SLC17A9: variants seen among roughly 807,000 people sequenced by gnomAD.
The protein encoded by SLC17A9 is solute carrier family 17 member 9.
In SLC17A9, 49 loss-of-function variants were observed where a neutral mutation model predicts 55.0. The observed-to-expected ratio is 0.89, with a 90% CI of 0.71 to 1.13. The LOEUF (loss-of-function observed/expected upper bound fraction) is 1.13, where lower values mean the gene tolerates loss of function less well. SLC17A9 is among the 50% of genes most tolerant of loss of function. SLC17A9 has a pLI of 0.00. For synonymous variants in SLC17A9, 256 were observed against 247.4 expected, an observed-to-expected ratio of 1.03 and a Z score of -0.32; for missense variants, 526 against 569.3, an observed-to-expected ratio of 0.92 and a Z score of 0.77.
intron 9 of SLC17A9, 95 bp downstream of exon 9, chr20:62,965,261 C>A: frequency 1.3e-6 from 2 of 1,532,338 alleles, no homozygotes; most frequent in Non-Finnish European, 1.8e-6. Flanking sequence ...CACCTGATAT[C>A]TGGGACCAGG....
chr20:62,964,907 C>T (rs1412436908), intron 8 of SLC17A9: 3 of 564,170 alleles, frequency 5.3e-6, no homozygotes, highest in Non-Finnish European at 9.5e-6. Flanking sequence ...GTGTTTCTGC[C>T]CAAACCCACG....
rs1295623503 is a variant in SLC17A9, at chr20:62,965,799, A to G, written c.1061+74A>G. 1.3e-5 allele frequency: 18 copies of G among 1,381,208 alleles called. No individual in the cohort carries two copies. In the Admixed American group the frequency reaches 3.0e-4, roughly 23 times the overall value. The allele number at this position is 1,381,208 out of a possible 1,614,324, so 85.6% of individuals were successfully genotyped here. On this transcript the variant is annotated intron_variant, in intron 10 of 12. Transcript: ENST00000370351. ...CCGAGGCCCGCACATGTGAAGAGGGAGCTCTGTCCGCCTCTCTCAGTCTCT... is the reference window on the plus strand; with the variant it reads ...CCGAGGCCCGCACATGTGAAGAGGGGGCTCTGTCCGCCTCTCTCAGTCTCT...
chr20:62,966,339 G>T (rs1462069730), intron 10 of SLC17A9, among the ~76,000 whole-genome samples, 186 bp from the exon 11 acceptor site: 1 of 151,104 alleles, frequency 6.6e-6, no homozygotes, highest in East Asian at 2.0e-4. Context: ...TGGCCAGTGG[G>T]TGGTTGGGGC....
At position 62,952,802 on chromosome 20, in the gene SLC17A9, GC is replaced by G; in HGVS notation, c.-26del. The G allele has an allele frequency of 6.6e-7, 1 of 1,517,968 alleles. No individual in the cohort carries two copies. 94.0% of individuals were successfully genotyped at this position (1,517,968 alleles called of 1,614,324 possible). On this transcript the variant is annotated 5_prime_UTR_variant, in exon 1 of 13. Transcript: ENST00000370351. Reference sequence around the variant, plus strand: ...GGAGGCAGCCCCGGGACACAGCTGTGCCCACGCCGTCTGAGCACCCCAAGCC... The same window carrying G: ...GGAGGCAGCCCCGGGACACAGCTGTGCCACGCCGTCTGAGCACCCCAAGCC...
At chr20:62,953,013 G>T in intron 1 of SLC17A9, 124 bp downstream of exon 1, 1 of 1,270,052 alleles carries the variant, frequency 7.9e-7, no homozygotes, top group South Asian at 1.4e-5. Context: ...GGCTCCTCTG[G>T]CTGTGGGGCC....
rs112598584 is a variant in SLC17A9, at chr20:62,967,462, C to T, written c.1273C>T (p.Gln425Ter). 5.0e-6 allele frequency: 8 copies of T among 1,614,152 alleles called. No individual in the cohort carries two copies. The highest frequency in any genetic ancestry group is 1.3e-5 in the African/African-American group (1 of 75,038). ...LCTFLVFGQA[Q>*]RVDLSSTHED... ...CACCTTCCTGGTGTTTGGACAGGCT[C>T]AGAGGGTGGACCTGAGCTCTACCCA... is the stretch of plus-strand genomic sequence containing the variant. Residue 425 changes from glutamine to a stop codon, truncating the protein, a stop_gained, in exon 13 of 13, where the codon CAG becomes TAG. Coordinates refer to ENST00000370351, the MANE Select transcript of SLC17A9 (RefSeq NM_022082.4). LOFTEE classifies it high-confidence loss of function.
rs1436792903 is a variant in SLC17A9 at position 62,967,535 on chromosome 20, G to A, written c.*35G>A. 18 of 1,602,142 alleles carry A rather than the reference G, an allele frequency of 1.1e-5. 1 individual carries two copies. In the Admixed American group the frequency reaches 1.9e-4, roughly 17 times the overall value. The stretch of plus-strand genomic sequence containing the variant: ...CCACAGCCTCTCCAAGGACCCAGGC[G>A]CCAGCAGCCCCAGGACACAGGGGAC... On this transcript the variant is annotated 3_prime_UTR_variant, in exon 13 of 13. Transcript: ENST00000370351.
Position 62,962,803 on chromosome 20 carries a change from G to T in SLC17A9, c.628+49G>T, listed in dbSNP as rs766199930. On this transcript the variant is annotated intron_variant, in intron 5 of 12. Transcript: ENST00000370351. This position sits in a 1 kb window ranked among gnomAD's most constrained non-coding sequence, Gnocchi z 5.5. Reference sequence around the variant, plus strand: ...TCCCGGGCGCCCACAGCTGCCCAGTGCCTCCTCCCCTGGTGGCAGCCGCTG... The same window carrying T: ...TCCCGGGCGCCCACAGCTGCCCAGTTCCTCCTCCCCTGGTGGCAGCCGCTG... 1 of 1,604,824 alleles carries T rather than the reference G, an allele frequency of 6.2e-7. No individual in the cohort carries two copies. The highest frequency in any genetic ancestry group is 8.5e-7 in the Non-Finnish European group (1 of 1,174,750).
Position 62,958,049 on chromosome 20 carries a change from A to C in SLC17A9, c.397+469A>C, listed in dbSNP as rs2065557289. On this transcript the variant is annotated intron_variant, in intron 3 of 12. Coordinates refer to ENST00000370351, the MANE Select transcript of SLC17A9 (RefSeq NM_022082.4). This position sits in a 1 kb window ranked among gnomAD's most constrained non-coding sequence, Gnocchi z 4.1. Reference sequence around the variant, plus strand: ...GCACTTGTGCGTGCAGGTGGTATGCATGCGTGTGCATGCCTGTATGCATGT... The same window carrying C: ...GCACTTGTGCGTGCAGGTGGTATGCCTGCGTGTGCATGCCTGTATGCATGT... Among the ~76,000 whole-genome samples, 1 of 151,902 alleles carries C rather than the reference A, an allele frequency of 6.6e-6. No individual in the cohort carries two copies. Among genetic ancestry groups the C allele is most frequent in the Non-Finnish European group, 1.5e-5 (1 of 67,936 alleles).
Position 62,963,961 on chromosome 20 carries a change from C to T in SLC17A9, c.823-267C>T, listed in dbSNP as rs567779244. 86 of 596,458 alleles carry T rather than the reference C, an allele frequency of 1.4e-4. No individual in the cohort carries two copies. In the Admixed American group the frequency reaches 2.2e-3, roughly 15 times the overall value. 36.9% of individuals were successfully genotyped at this position (596,458 alleles called of 1,614,324 possible). ...TCGTGACCTGCTGGCCCACAGAACC[C>T]GACTTCAGAGCCTGAGGAGGCCGGT... On this transcript the variant is annotated intron_variant, in intron 7 of 12. Transcript: ENST00000370351.
intron 10 of SLC17A9, 31 bp downstream of exon 10, chr20:62,965,756 G>A (rs375429947): frequency 1.1e-5 from 17 of 1,604,342 alleles, no homozygotes; most frequent in African/African-American, 5.4e-5. Flanking sequence ...CCACCAGAGC[G>A]CCGTGCTGCC....
At position 62,964,246 on chromosome 20, in the gene SLC17A9, G is replaced by A; in HGVS notation, c.841G>A (p.Val281Ile). Residue 281 changes from valine (V) to isoleucine (I), a missense_variant, in exon 8 of 13, where the codon GTT (valine) becomes ATT (isoleucine). By Grantham distance (29) the Val-to-Ile change is conservative. Transcript: ENST00000370351. Reference protein sequence around the residue: ...PDAKGWIFNVVPWLVAIPASL... With the variant: ...PDAKGWIFNVIPWLVAIPASL... Reference sequence around the variant, plus strand: ...CCTGCAGGGCTGGATCTTCAACGTGGTTCCTTGGTTGGTGGCGATTCCGGC... The same window carrying A: ...CCTGCAGGGCTGGATCTTCAACGTGATTCCTTGGTTGGTGGCGATTCCGGC... 6.2e-7 allele frequency: 1 copy of A among 1,614,216 alleles called. No individual in the cohort carries two copies. The highest frequency in any genetic ancestry group is 1.1e-5 in the South Asian group (1 of 91,086).
rs543206372 is a variant in SLC17A9, at chr20:62,958,941, T to A, written c.397+1361T>A. ...TGAGGACTTAGGATTGTGTGTTTAC[T>A]GTGAGGCCCCATCCCAGAGCCAGCC... On this transcript the variant is annotated intron_variant, in intron 3 of 12. Coordinates refer to ENST00000370351, the MANE Select transcript of SLC17A9 (RefSeq NM_022082.4). The surrounding 1 kb of genome is among the most constrained non-coding windows in gnomAD (Gnocchi z 4.1). 1.3e-5 allele frequency among the ~76,000 whole-genome samples: 2 copies of A among 152,248 alleles called. No homozygotes were observed. Among genetic ancestry groups the A allele is most frequent in the African/African-American group, 4.8e-5 (2 of 41,540 alleles).
chr20:62,960,451 G>A (rs1056942160), intron 3 of SLC17A9, 53 bp from the exon 4 acceptor site: 5 of 1,543,422 alleles, frequency 3.2e-6, no homozygotes, highest in Admixed American at 1.8e-5. Context: ...CAGATAGGCC[G>A]GGAGGAGCCT....
At chr20:62,954,462 G>A (rs149382626) in intron 1 of SLC17A9, among the ~76,000 whole-genome samples, 36 of 152,372 alleles carry the variant, frequency 2.4e-4, no homozygotes, top group Non-Finnish European at 3.5e-4. Context: ...CACAGGGGCC[G>A]TTTGCTCTAG....
intron 12 of SLC17A9, 188 bp from the exon 13 acceptor site, chr20:62,967,149 C>G: frequency 1.5e-6 from 1 of 677,938 alleles, no homozygotes; most frequent in Non-Finnish European, 2.5e-6. Context: ...ATCTCTGCCC[C>G]TCCAAGACCC....
At chr20:62,965,252 A>C (rs2065625390) in intron 9 of SLC17A9, 86 bp downstream of exon 9, 1 of 1,562,152 alleles carries the variant, frequency 6.4e-7, no homozygotes, top group African/African-American at 1.4e-5. Flanking sequence ...TCCCCAAGTC[A>C]CCTGATATCT....
At chr20:62,964,895 CTG>C (rs2065621335) in intron 8 of SLC17A9, 1 of 555,406 alleles carries the variant, frequency 1.8e-6, no homozygotes, top group East Asian at 2.9e-5. Context: ...TGTGGCTGTT[CTG>C]TGTTTCTGCC....
intron 1 of SLC17A9, among the ~76,000 whole-genome samples, chr20:62,955,138 T>C (rs1568910103): frequency 2.0e-5 from 3 of 151,598 alleles, no homozygotes. Context: ...TGTTTTTTTT[T>C]CTTTTTTTTT....
Sources: allele counts gnomAD v4.1 joint callset (sites outside exome capture counted in the v4.1 genomes callset), GRCh38; gene constraint gnomAD v4.1.1; non-coding constraint Gnocchi (gnomAD v3.1); transcripts MANE v1.5; gene names NCBI Gene and HGNC (gene_info 2026-07-23, HGNC 2026-07-21).